PPP1CC: variants seen among roughly 807,000 people sequenced by gnomAD.
PPP1CC encodes protein phosphatase 1 catalytic subunit gamma, also known as serine/threonine-protein phosphatase PP1-gamma catalytic subunit.
PPP1CC carries 16 observed loss-of-function variants against 38.4 expected under a neutral mutation model. The observed-to-expected ratio is 0.42, with a 90% CI of 0.28 to 0.63. The LOEUF (loss-of-function observed/expected upper bound fraction) is 0.63. Ranked by LOEUF, PPP1CC falls within the 30% of genes least tolerant of loss-of-function variation. The probability of loss-of-function intolerance (pLI) is 0.25; values close to 1 mark genes in which losing one functional copy is unlikely to be tolerated. For synonymous variants in PPP1CC, 158 were observed against 136.0 expected (o/e 1.16, Z -1.13); for missense variants, 170 against 391.3 (o/e 0.43, Z 4.77).
chr12:110,712,962 A>C, the PPP1CC span, among the ~76,000 whole-genome samples: 1 of 151,980 alleles, frequency 6.6e-6, no homozygotes, highest in Non-Finnish European at 1.5e-5. Context: ...AATCCCAGCT[A>C]CTTGGGAGGC....
chr12:110,720,933 A>T lies in PPP1CC; in HGVS notation c.*143T>A. On this transcript the variant is annotated 3_prime_UTR_variant, in exon 7 of 7. Coordinates refer to ENST00000335007, the MANE Select transcript of PPP1CC (RefSeq NM_002710.4). ...TTTGCTGTTATAACCAGCAAATGCC[A>T]TTCACTAAATCAAAAATGGAAGGAA... 1 of 610,644 alleles carries T rather than the reference A, an allele frequency of 1.6e-6. No individual in the cohort carries two copies. Among genetic ancestry groups the T allele is most frequent in the Non-Finnish European group, 2.8e-6 (1 of 351,076 alleles). The allele number at this position is 610,644 out of a possible 1,614,324, so 37.8% of individuals were successfully genotyped here.
chr12:110,721,153 C>T lies in PPP1CC; in HGVS notation c.895G>A (p.Ala299Thr). Reference sequence around the variant, plus strand: ...GTGGCATTTGGCTTCTTTTTCTCTGCAGGCTTTAAAATCTGGAGATTCAAA... The same window carrying T: ...GTGGCATTTGGCTTCTTTTTCTCTGTAGGCTTTAAAATCTGGAGATTCAAA... Reference protein sequence around the residue: ...LMCSFQILKPAEKKKPNATRP... With the variant: ...LMCSFQILKPTEKKKPNATRP... The change falls in exon 7 of 7, where the codon GCA becomes ACA. Residue 299 changes from alanine (A) to threonine (T), a missense_variant. Transcript: ENST00000335007. The T allele has an allele frequency of 1.9e-6, 3 of 1,613,676 alleles. No individual in the cohort carries two copies. The highest frequency in any genetic ancestry group is 2.5e-6 in the Non-Finnish European group (3 of 1,179,708).
At chr12:110,715,573 T>C (rs1487216965), downstream of PPP1CC, among the ~76,000 whole-genome samples, 1 of 152,030 alleles carries the variant, frequency 6.6e-6, no homozygotes, top group Non-Finnish European at 1.5e-5. Flanking sequence ...ACCATTTAAT[T>C]ATTACAATCA....
chr12:110,734,192 T>TGTA (rs2069914561), intron 1 of PPP1CC, among the ~76,000 whole-genome samples: 1 of 152,214 alleles, frequency 6.6e-6, no homozygotes, highest in Non-Finnish European at 1.5e-5. Flanking sequence ...ACTGGTAGAA[T>TGTA]GTAAACCCAC....
chr12:110,725,364 C>G (rs1353928741), intron 3 of PPP1CC: 1 of 152,248 alleles, frequency 6.6e-6, no homozygotes, highest in Non-Finnish European at 1.5e-5. Flanking sequence ...GAGTTAGCAC[C>G]CATCCCCCAT....
chr12:110,728,067 G>C (rs189285201), intron 3 of PPP1CC, among the ~76,000 whole-genome samples: 11 of 152,324 alleles, frequency 7.2e-5, no homozygotes, highest in African/African-American at 2.6e-4. Flanking sequence ...AACATGAAAA[G>C]TATTTGCTGG....
In PPP1CC at chr12:110,722,057, C is replaced by CAA. The variant is rs1330433805; in HGVS notation, c.882+76_882+77dup. 6.3e-7 allele frequency: 1 copy of CAA among 1,581,668 alleles called. No homozygotes were observed. The highest frequency in any genetic ancestry group is 1.7e-5 in the Admixed American group (1 of 57,902). On this transcript the variant is annotated intron_variant, in intron 6 of 6. Coordinates refer to ENST00000335007, the MANE Select transcript of PPP1CC (RefSeq NM_002710.4). The surrounding 1 kb of genome is among the most constrained non-coding windows in gnomAD (Gnocchi z 5.4). Reference sequence around the variant, plus strand: ...CTACTCAGCATAAGTGAACACTAGGCAAAAAGTAGCAATTATATTTTTCAA... The same window carrying CAA: ...CTACTCAGCATAAGTGAACACTAGGCAAAAAAAGTAGCAATTATATTTTTCAA...
chr12:110,740,918 T>A (rs1162481167), intron 1 of PPP1CC, among the ~76,000 whole-genome samples: 1 of 152,146 alleles, frequency 6.6e-6, no homozygotes, highest in East Asian at 1.9e-4. Flanking sequence ...GCCACACATA[T>A]CCCTGCAGAG....
chr12:110,708,440 C>T, the PPP1CC span, among the ~76,000 whole-genome samples: 1 of 152,180 alleles, frequency 6.6e-6, no homozygotes, highest in Admixed American at 6.5e-5. Flanking sequence ...GAAAATATTA[C>T]AGTTATTACC....
At chr12:110,711,374 C>A in the PPP1CC span, among the ~76,000 whole-genome samples, 2 of 149,894 alleles carry the variant, frequency 1.3e-5, no homozygotes, top group African/African-American at 5.0e-5. Flanking sequence ...TATAGCATGA[C>A]CCTGTTTCTA....
intron 1 of PPP1CC, among the ~76,000 whole-genome samples, chr12:110,741,918 T>C (rs1054770834): frequency 3.3e-5 from 5 of 152,272 alleles, no homozygotes; most frequent in African/African-American, 1.2e-4. Context: ...ATTACAGTAA[T>C]AATTCATGGA....
chr12:110,713,901 C>T, the PPP1CC span, among the ~76,000 whole-genome samples: 5 of 152,148 alleles, frequency 3.3e-5, no homozygotes, highest in African/African-American at 9.7e-5. Flanking sequence ...GGGTTTGAGA[C>T]CAGCCTGGCC....
At chr12:110,710,916 T>G in the PPP1CC span, among the ~76,000 whole-genome samples, 1 of 151,970 alleles carries the variant, frequency 6.6e-6, no homozygotes, top group African/African-American at 2.4e-5. Context: ...CTGACGTCTG[T>G]AATCCCAGCA....
At chr12:110,735,779 T>C (rs1247643249) in intron 1 of PPP1CC, among the ~76,000 whole-genome samples, 2 of 139,676 alleles carry the variant, frequency 1.4e-5, no homozygotes, top group African/African-American at 5.4e-5. Flanking sequence ...AGAAACTCCG[T>C]CTCGGCCAGG....
chr12:110,721,797 G>A (rs2069742120), intron 6 of PPP1CC: 3 of 353,794 alleles, frequency 8.5e-6, no homozygotes, highest in Non-Finnish European at 1.5e-5. Flanking sequence ...ATAGCACAAG[G>A]CACTCAGTAC....
intron 6 of PPP1CC, 165 bp from the exon 7 acceptor site, chr12:110,721,330 T>G: frequency 1.8e-6 from 1 of 563,956 alleles, no homozygotes; most frequent in Non-Finnish European, 3.2e-6. Context: ...ATGTAAACAT[T>G]TGGTAATTAA....
chr12:110,714,805 CAAAAAAAAA>C (rs1164975036), downstream of PPP1CC, among the ~76,000 whole-genome samples: 56 of 22,064 alleles, frequency 2.5e-3, no homozygotes, highest in African/African-American at 9.2e-3. Flanking sequence ...GACTCTGTCT[CAAAAAAAAA>C]AAAAAAAAAA....
At chr12:110,723,360 A>G (rs2069760939) in intron 4 of PPP1CC, among the ~76,000 whole-genome samples, 1 of 152,250 alleles carries the variant, frequency 6.6e-6, no homozygotes, top group South Asian at 2.1e-4. Context: ...ACCTAAGTAC[A>G]GAAGCACAGA....
chr12:110,722,642 T>A lies in PPP1CC; in HGVS notation c.577A>T (p.Thr193Ser), dbSNP rs373482484. ...MEQIRRIMRP[T>S]DVPDQGLLCD... is the part of the protein sequence containing the mutation. ...AGAAGACCTTGATCTGGTACATCAG[T>A]TGGTCGCATAATTCGCCGAATCTGC... The change falls in exon 5 of 7, where the codon ACT becomes TCT. Residue 193 changes from threonine to serine, a missense_variant. Transcript: ENST00000335007. This position sits in a 1 kb window ranked among gnomAD's most constrained non-coding sequence, Gnocchi z 5.4. The A allele has an allele frequency of 1.1e-4, 170 of 1,614,034 alleles. No individual in the cohort carries two copies. The highest frequency in any genetic ancestry group is 1.3e-4 in the Non-Finnish European group (150 of 1,180,006).
Sources: gnomAD v4.1 joint callset for allele counts (sites outside exome capture counted in the v4.1 genomes callset) on GRCh38, gnomAD v4.1.1 for gene constraint, Gnocchi (gnomAD v3.1) non-coding constraint, MANE v1.5 for transcripts, NCBI Gene and HGNC (gene_info 2026-07-23, HGNC 2026-07-21) for gene names.